CEP15: variants seen among roughly 807,000 people sequenced by gnomAD.
CEP15 encodes the protein centrosomal protein 15 kDa.
the CEP15 span, chr3:62,319,754 T>G: frequency 6.6e-6 from 1 of 152,326 alleles, no homozygotes; most frequent in East Asian, 1.9e-4. Context: ...CCCAACCAGA[T>G]GAGTTGCCTG....
the CEP15 span, chr3:62,320,656 G>A: frequency 4.9e-6 from 3 of 613,368 alleles, no homozygotes; most frequent in Non-Finnish European, 8.5e-6. Context: ...AGAGGTTTTA[G>A]TGTTAGGGAA....
At chr3:62,324,383 C>T in the CEP15 span, among the ~76,000 whole-genome samples, 1 of 152,072 alleles carries the variant, frequency 6.6e-6, no homozygotes, top group African/African-American at 2.4e-5. Flanking sequence ...GCCTGAGTGA[C>T]AGAGTGAGAC....
chr3:62,333,695 A>AATC, the CEP15 span: 1 of 200,322 alleles, frequency 5.0e-6, no homozygotes, highest in African/African-American at 2.4e-5. This position sits in a 1 kb window ranked among gnomAD's most constrained non-coding sequence, Gnocchi z 4.0. Flanking sequence ...AAAAATTTAC[A>AATC]ATCATTCTCC....
the CEP15 span, chr3:62,320,620 A>G: frequency 5.3e-5 from 46 of 870,450 alleles, no homozygotes; most frequent in South Asian, 7.5e-4. Flanking sequence ...ATTTGCAAGC[A>G]TGTCATTTTA....
the CEP15 span, chr3:62,320,404 C>T: frequency 7.7e-7 from 1 of 1,300,116 alleles, no homozygotes; most frequent in African/African-American, 1.5e-5. Context: ...TCAAATGTTG[C>T]AAAGCTGAGG....
At chr3:62,325,437 G>C in the CEP15 span, among the ~76,000 whole-genome samples, 1 of 152,148 alleles carries the variant, frequency 6.6e-6, no homozygotes, top group African/African-American at 2.4e-5. Flanking sequence ...GTGAGGAAGA[G>C]ACCAATTCCA....
chr3:62,326,410 A>T, the CEP15 span, among the ~76,000 whole-genome samples: 1 of 152,202 alleles, frequency 6.6e-6, no homozygotes, highest in African/African-American at 2.4e-5. Flanking sequence ...GATTAAAACC[A>T]GCCTGGCCAT....
At chr3:62,327,633 T>A in the CEP15 span, among the ~76,000 whole-genome samples, 8 of 152,364 alleles carry the variant, frequency 5.3e-5, no homozygotes, top group Non-Finnish European at 7.3e-5. Context: ...GCAAAAAGAA[T>A]ATTCAAATTC....
At chr3:62,333,125 C>CAT in the CEP15 span, 3 of 803,076 alleles carry the variant, frequency 3.7e-6, no homozygotes, top group African/African-American at 1.8e-5. The surrounding 1 kb of genome is among the most constrained non-coding windows in gnomAD (Gnocchi z 4.0). Flanking sequence ...ATGCATTCTA[C>CAT]ATATATGTGT....
At chr3:62,328,304 A>G in the CEP15 span, among the ~76,000 whole-genome samples, 1 of 152,236 alleles carries the variant, frequency 6.6e-6, no homozygotes, top group Admixed American at 6.5e-5. Context: ...TTATTCTATG[A>G]TACAGGCATA....
At chr3:62,320,067 TTCTG>T in the CEP15 span, among the ~76,000 whole-genome samples, 1 of 152,252 alleles carries the variant, frequency 6.6e-6, no homozygotes, top group Non-Finnish European at 1.5e-5. Context: ...TTGCCTGCCT[TTCTG>T]TCTATGTGTG....
At chr3:62,326,566 C>T in the CEP15 span, among the ~76,000 whole-genome samples, 6 of 152,138 alleles carry the variant, frequency 3.9e-5, no homozygotes, top group Admixed American at 1.3e-4. Flanking sequence ...TGAATCAACT[C>T]ATTTAAATAT....
At chr3:62,322,086 T>G in the CEP15 span, 1 of 1,583,376 alleles carries the variant, frequency 6.3e-7, no homozygotes, top group Non-Finnish European at 8.5e-7. This position sits in a 1 kb window ranked among gnomAD's most constrained non-coding sequence, Gnocchi z 5.5. Context: ...TAGAGATTTA[T>G]CCCACCTTCT....
At chr3:62,335,323 T>G in the CEP15 span, 1 of 152,054 alleles carries the variant, frequency 6.6e-6, no homozygotes, top group Non-Finnish European at 1.5e-5. Flanking sequence ...TTTCCAAGGC[T>G]CCTGCTGTAG....
the CEP15 span, chr3:62,322,015 G>A: frequency 3.7e-5 from 60 of 1,609,512 alleles, no homozygotes; most frequent in Middle Eastern, 5.2e-4. The surrounding 1 kb of genome is among the most constrained non-coding windows in gnomAD (Gnocchi z 5.5). Flanking sequence ...ACTCCAAACT[G>A]TTGAGACTGC....
At chr3:62,332,020 A>G in the CEP15 span, among the ~76,000 whole-genome samples, 5 of 152,268 alleles carry the variant, frequency 3.3e-5, no homozygotes, top group East Asian at 9.7e-4. Context: ...GGATAAATAG[A>G]CTCAAAATTA....
At chr3:62,328,062 A>G in the CEP15 span, among the ~76,000 whole-genome samples, 2 of 152,108 alleles carry the variant, frequency 1.3e-5, no homozygotes, top group African/African-American at 4.8e-5. Flanking sequence ...GGAATTGGCC[A>G]TTGCTCCAAG....
At chr3:62,327,173 T>C in the CEP15 span, among the ~76,000 whole-genome samples, 1 of 152,250 alleles carries the variant, frequency 6.6e-6, no homozygotes, top group African/African-American at 2.4e-5. Flanking sequence ...CGTATCATTT[T>C]GCATGTTCCT....
chr3:62,326,038 AAAG>A, the CEP15 span, among the ~76,000 whole-genome samples: 3 of 152,004 alleles, frequency 2.0e-5, no homozygotes, highest in Non-Finnish European at 4.4e-5. Flanking sequence ...AAAAAAAAAA[AAAG>A]GCAATTCTGT....
Sources: gnomAD v4.1 joint callset for allele counts (sites outside exome capture counted in the v4.1 genomes callset) on GRCh38, gnomAD v4.1.1 for gene constraint, Gnocchi (gnomAD v3.1) non-coding constraint, MANE v1.5 for transcripts, NCBI Gene and HGNC (gene_info 2026-07-23, HGNC 2026-07-21) for gene names.